The following PDE10A variants were observed in gnomAD, a reference collection of about 807,000 sequenced individuals.
PDE10A encodes the protein phosphodiesterase 10A, also known as cAMP and cAMP-inhibited cGMP 3',5'-cyclic phosphodiesterase 10A.
PDE10A carries 39 observed loss-of-function variants against 97.7 expected under a neutral mutation model. The ratio of observed to expected loss-of-function variants is 0.40; its 90% CI spans 0.31 to 0.52. PDE10A has a LOEUF of 0.52. Ranked by LOEUF, PDE10A falls within the 20% of genes least tolerant of loss-of-function variation. The pLI is 0.56. For missense variants in PDE10A, 731 were observed against 1,047.8 expected (o/e 0.70, Z 4.17); for synonymous variants, 371 against 376.8 (o/e 0.98, Z 0.18).
intron 1 of PDE10A, among the ~76,000 whole-genome samples, chr6:165,953,093 C>T (rs968989776): frequency 3.3e-5 from 5 of 152,162 alleles, no homozygotes; most frequent in African/African-American, 1.2e-4. Context: ...ATCAACTTCT[C>T]GGCATTGTAG....
chr6:165,417,180 T>C (rs1375224262), intron 11 of PDE10A, among the ~76,000 whole-genome samples: 1 of 152,222 alleles, frequency 6.6e-6, no homozygotes, highest in Non-Finnish European at 1.5e-5. Context: ...AGAATCTACT[T>C]AAAACACCAA....
At chr6:165,658,384 C>T (rs1195000017) in intron 1 of PDE10A, among the ~76,000 whole-genome samples, 1 of 152,042 alleles carries the variant, frequency 6.6e-6, no homozygotes, top group Non-Finnish European at 1.5e-5. Flanking sequence ...TTTTTTTTCC[C>T]ATCTTATTTT....
chr6:165,448,892 T>C (rs773934698), intron 5 of PDE10A, 36 bp downstream of exon 5: 4 of 1,372,576 alleles, frequency 2.9e-6, no homozygotes, highest in Admixed American at 3.5e-5. Flanking sequence ...GATATTTTCT[T>C]ATCTAGAGCA....
At chr6:165,588,501 G>A (rs958681643) in intron 1 of PDE10A, among the ~76,000 whole-genome samples, 3 of 151,864 alleles carry the variant, frequency 2.0e-5, no homozygotes, top group Non-Finnish European at 4.4e-5. Context: ...ATGTTGGTCA[G>A]GCTGGTCTCG....
chr6:165,621,056 G>A (rs1467038614), intron 1 of PDE10A, among the ~76,000 whole-genome samples: 1 of 150,878 alleles, frequency 6.6e-6, no homozygotes, highest in East Asian at 1.9e-4. Context: ...AAAGGGTAGA[G>A]AAAGGGATAG....
Position 165,723,521 on chromosome 6 carries a change from G to A in PDE10A, c.-614-179953C>T, listed in dbSNP as rs969425326. Among the ~76,000 whole-genome samples, 8 of 152,304 alleles carry A rather than the reference G, an allele frequency of 5.3e-5. No homozygotes were observed. The Middle Eastern group carries it at 0.01, about 194-fold the overall frequency. ...TTGCTCCTGACGGCACAGGCAGGCC[G>A]AGCTGGAATTCCAACTTGTGTCTGC... is the stretch of plus-strand genomic sequence containing the variant. On this transcript the variant is annotated intron_variant, in intron 1 of 19. Coordinates refer to the PDE10A transcript ENST00000366882.
chr6:165,679,768 C>T (rs1274499653), intron 1 of PDE10A, among the ~76,000 whole-genome samples: 3 of 152,166 alleles, frequency 2.0e-5, no homozygotes, highest in African/African-American at 7.2e-5. Context: ...CACAAGATTT[C>T]CTGGGTCTAA....
At chr6:165,484,311 C>A (rs1288266704) in intron 2 of PDE10A, among the ~76,000 whole-genome samples, 1 of 152,174 alleles carries the variant, frequency 6.6e-6, no homozygotes, top group African/African-American at 2.4e-5. Flanking sequence ...TGGCTTAGAG[C>A]AGGAGGCCGG....
intron 1 of PDE10A, among the ~76,000 whole-genome samples, chr6:165,557,195 G>A (rs1433182492): frequency 6.6e-6 from 1 of 152,044 alleles, no homozygotes; most frequent in African/African-American, 2.4e-5. Flanking sequence ...AGTATCCACT[G>A]TCTTGAGAGA....
chr6:165,857,736 TGA>T (rs1491546250), intron 1 of PDE10A, among the ~76,000 whole-genome samples: 8,941 of 87,992 alleles, frequency 0.1, 361 homozygotes, highest in East Asian at 0.34. Flanking sequence ...TGTGTGTGTG[TGA>T]AGAATGATTG....
intron 13 of PDE10A, among the ~76,000 whole-genome samples, chr6:165,410,172 G>A (rs904293874): frequency 2.0e-5 from 3 of 151,936 alleles, no homozygotes; most frequent in Non-Finnish European, 4.4e-5. Context: ...AATACAAAGC[G>A]GCAATATAAA....
intron 10 of PDE10A, among the ~76,000 whole-genome samples, chr6:165,421,634 A>G (rs16897853): frequency 0.03 from 4,601 of 152,326 alleles, 268 homozygotes; most frequent in African/African-American, 0.096. Flanking sequence ...GTATGTTATC[A>G]CAATCATTAG....
chr6:165,529,576 A>T (rs1230173582), intron 2 of PDE10A, among the ~76,000 whole-genome samples: 1 of 152,226 alleles, frequency 6.6e-6, no homozygotes, highest in Non-Finnish European at 1.5e-5. Flanking sequence ...TGAGGACTGC[A>T]ACTGTCATGA....
intron 1 of PDE10A, among the ~76,000 whole-genome samples, chr6:165,797,974 T>C (rs1353264524): frequency 6.6e-6 from 1 of 152,246 alleles, no homozygotes; most frequent in Non-Finnish European, 1.5e-5. Flanking sequence ...AGTTGGCTAA[T>C]TCAGGTCACT....
At chr6:165,825,658 T>C (rs1779718219) in intron 1 of PDE10A, among the ~76,000 whole-genome samples, 2 of 152,218 alleles carry the variant, frequency 1.3e-5, no homozygotes, top group South Asian at 4.1e-4. Flanking sequence ...AGAGCAAGAC[T>C]GCAGTTACCC....
chr6:165,852,513 T>C (rs1780598844), intron 1 of PDE10A, among the ~76,000 whole-genome samples: 1 of 152,192 alleles, frequency 6.6e-6, no homozygotes. Context: ...CTGAGATAAA[T>C]CACTTGAAAT....
intron 1 of PDE10A, among the ~76,000 whole-genome samples, chr6:165,682,172 C>T (rs1050423052): frequency 6.6e-6 from 1 of 152,174 alleles, no homozygotes; most frequent in African/African-American, 2.4e-5. Flanking sequence ...CACTCTGTCA[C>T]CCAGGCTGGA....
intron 1 of PDE10A, among the ~76,000 whole-genome samples, chr6:165,906,275 C>T (rs577360281): frequency 9.9e-5 from 15 of 151,458 alleles, no homozygotes; most frequent in African/African-American, 3.6e-4. Context: ...GGAGGAAGCT[C>T]TCCGTTTAGC....
intron 1 of PDE10A, among the ~76,000 whole-genome samples, chr6:165,982,071 A>G (rs1326359506): frequency 6.6e-6 from 1 of 152,244 alleles, no homozygotes. Flanking sequence ...CAGGAAAGCT[A>G]CAAAATCTTG....
Sources: allele counts gnomAD v4.1 joint callset (sites outside exome capture counted in the v4.1 genomes callset), GRCh38; gene constraint gnomAD v4.1.1; transcripts MANE v1.5; gene names NCBI Gene and HGNC (gene_info 2026-07-23, HGNC 2026-07-21).